The following MTM1 variants were observed in gnomAD, a reference collection of about 807,000 sequenced individuals.
MTM1 encodes myotubularin 1.
Under a neutral mutation model 52.1 loss-of-function variants are expected in MTM1, and 9 were observed. The ratio of observed to expected loss-of-function variants is 0.17; its 90% CI spans 0.10 to 0.30. The LOEUF (loss-of-function observed/expected upper bound fraction) is 0.30. Among genes scored for constraint, MTM1 ranks in the 10% least tolerant of loss-of-function variants. The pLI, the probability that MTM1 is intolerant of heterozygous loss-of-function variation, is 1.00. For missense variants in MTM1, 277 were observed against 470.7 expected, an observed-to-expected ratio of 0.59 and a Z score of 3.81; for synonymous variants, 136 against 163.8, an observed-to-expected ratio of 0.83 and a Z score of 1.29.
At chrX:150,606,100 A>G (rs782440785) in intron 4 of MTM1, among the ~76,000 whole-genome samples, 1 of 110,707 alleles carries the variant, frequency 9.0e-6, no homozygotes, top group East Asian at 2.8e-4. Flanking sequence ...ATTTTATGGT[A>G]GGTGAAATAA....
chrX:150,652,266 G>A (rs145908372), intron 10 of MTM1, among the ~76,000 whole-genome samples: 1,436 of 110,547 alleles, frequency 0.013, 16 homozygotes, highest in Non-Finnish European at 0.019. Flanking sequence ...TGTAGTCCCA[G>A]TGCTTTGGGA....
At chrX:150,583,917 A>T (rs1484469701) in intron 1 of MTM1, among the ~76,000 whole-genome samples, 880 of 53,196 alleles carry the variant, frequency 0.017, 76 homozygotes, top group African/African-American at 0.045. Flanking sequence ...TATATAATAT[A>T]AAATATATAT....
intron 1 of MTM1, among the ~76,000 whole-genome samples, chrX:150,571,113 A>G (rs1448863625): frequency 8.9e-6 from 1 of 112,264 alleles, no homozygotes; most frequent in Non-Finnish European, 1.9e-5. Flanking sequence ...GAGACTCTCA[A>G]CGATTAATAG....
intron 6 of MTM1, among the ~76,000 whole-genome samples, chrX:150,631,667 C>CAAAAAAAAA (rs34042424): frequency 1.4e-4 from 5 of 35,456 alleles, no homozygotes; most frequent in Admixed American, 9.8e-4. Flanking sequence ...ACTCCATCTC[C>CAAAAAAAAA]AAAAAAAAAA....
At chrX:150,587,841 G>GT (rs1315587781) in intron 1 of MTM1, among the ~76,000 whole-genome samples, 2 of 111,881 alleles carry the variant, frequency 1.8e-5, no homozygotes, top group African/African-American at 6.5e-5. Context: ...TTTGGTTATG[G>GT]TGTAATTCAT....
chrX:150,663,623 C>T lies in MTM1; in HGVS notation c.1644+14C>T. 8.4e-7 allele frequency: 1 copy of T among 1,191,377 alleles called. No individual in the cohort carries two copies. Among genetic ancestry groups the T allele is most frequent in the Non-Finnish European group, 1.1e-6 (1 of 877,227 alleles). On this transcript the variant is annotated intron_variant, in intron 14 of 14. Transcript: ENST00000370396. Reference sequence around the variant, plus strand: ...ATCAAGCAACAAGTAAGTGAAGTAGCACTGTTAAAAGATAGCAATGTCAAC... The same window carrying T: ...ATCAAGCAACAAGTAAGTGAAGTAGTACTGTTAAAAGATAGCAATGTCAAC...
At position 150,663,604 on chromosome X, in the gene MTM1, C is replaced by CA; in HGVS notation, c.1641dup (p.Gln548ThrfsTer25). The CA allele has an allele frequency of 8.3e-7, 1 of 1,207,438 alleles. No homozygotes were observed. The highest frequency in any genetic ancestry group is 1.1e-6 in the Non-Finnish European group (1 of 891,590). Reference sequence around the variant, plus strand: ...CATTAGATGGAACCCCAGGATCAAGCAACAAGTAAGTGAAGTAGCACTGTT... The same window carrying CA: ...CATTAGATGGAACCCCAGGATCAAGCAAACAAGTAAGTGAAGTAGCACTGTT... On this transcript the variant is annotated frameshift_variant, in exon 14 of 15. Coordinates refer to ENST00000370396, the MANE Select transcript of MTM1 (RefSeq NM_000252.3). LOFTEE classifies it high-confidence loss of function.
At chrX:150,662,705 A>G (rs1557414741) in intron 13 of MTM1, among the ~76,000 whole-genome samples, 9 of 110,931 alleles carry the variant, frequency 8.1e-5, no homozygotes. Context: ...TATTAAAGTC[A>G]TTACTAGGAA....
chrX:150,626,174 C>T (rs73638262), intron 6 of MTM1, among the ~76,000 whole-genome samples: 2,538 of 112,568 alleles, frequency 0.023, 72 homozygotes, highest in African/African-American at 0.078. Context: ...TCTTGCTCTA[C>T]TCCAGTTGTG....
intron 1 of MTM1, among the ~76,000 whole-genome samples, chrX:150,570,894 C>A (rs1441363337): frequency 1.8e-5 from 2 of 112,422 alleles, no homozygotes; most frequent in African/African-American, 6.5e-5. Flanking sequence ...TTAATACCTT[C>A]TAAGTTCTCT....
intron 1 of MTM1, among the ~76,000 whole-genome samples, chrX:150,583,911 TA>T (rs1299954610): frequency 0.023 from 882 of 38,533 alleles, 75 homozygotes; most frequent in African/African-American, 0.058. Flanking sequence ...TATATATATA[TA>T]ATATAAAATA....
At chrX:150,588,630 G>T (rs187727928) in intron 1 of MTM1, among the ~76,000 whole-genome samples, 30 of 111,982 alleles carry the variant, frequency 2.7e-4, no homozygotes, top group Admixed American at 2.4e-3. Flanking sequence ...TGCCTCCACA[G>T]ATTCAACTGA....
chrX:150,667,809 C>T (rs1050773120), intron 14 of MTM1, among the ~76,000 whole-genome samples: 1 of 112,065 alleles, frequency 8.9e-6, no homozygotes, highest in African/African-American at 3.2e-5. Context: ...AATGTGGGCA[C>T]GGTTCCATGT....
At chrX:150,595,969 A>G (rs1244830294) in intron 2 of MTM1, among the ~76,000 whole-genome samples, 1 of 111,365 alleles carries the variant, frequency 9.0e-6, no homozygotes, top group Non-Finnish European at 1.9e-5. Flanking sequence ...GGATCTTAGT[A>G]AATGTGAGGA....
At chrX:150,607,226 A>T (rs1203890321) in intron 4 of MTM1, among the ~76,000 whole-genome samples, 1 of 109,795 alleles carries the variant, frequency 9.1e-6, no homozygotes, top group Non-Finnish European at 1.9e-5. Flanking sequence ...GACCTCAAGT[A>T]ATCTGCCCAC....
At chrX:150,608,720 T>C (rs1176222926) in intron 4 of MTM1, among the ~76,000 whole-genome samples, 1 of 111,498 alleles carries the variant, frequency 9.0e-6, no homozygotes, top group Non-Finnish European at 1.9e-5. Context: ...GTCACTTTGT[T>C]GTACAGTAGA....
At chrX:150,637,742 G>A (rs2039775018) in intron 6 of MTM1, among the ~76,000 whole-genome samples, 1 of 112,050 alleles carries the variant, frequency 8.9e-6, no homozygotes, top group Non-Finnish European at 1.9e-5. Flanking sequence ...CCAGGCAGAT[G>A]GAATAGTAGC....
At chrX:150,631,991 C>T (rs1603177522) in intron 6 of MTM1, among the ~76,000 whole-genome samples, 1 of 112,091 alleles carries the variant, frequency 8.9e-6, no homozygotes, top group Admixed American at 9.5e-5. Context: ...TAAGATGTTG[C>T]ACTGTATGGT....
intron 6 of MTM1, among the ~76,000 whole-genome samples, chrX:150,630,288 C>T (rs2039644660): frequency 9.0e-6 from 1 of 111,154 alleles, no homozygotes; most frequent in Non-Finnish European, 1.9e-5. Context: ...GATGGGGTTT[C>T]GCCATGTTGG....
Sources: gnomAD v4.1 joint callset for allele counts (sites outside exome capture counted in the v4.1 genomes callset) on GRCh38, gnomAD v4.1.1 for gene constraint, MANE v1.5 for transcripts, NCBI Gene and HGNC (gene_info 2026-07-23, HGNC 2026-07-21) for gene names.